The following CCDC149 variants were observed in gnomAD, a reference collection of about 807,000 sequenced individuals.
CCDC149 encodes the protein coiled-coil domain containing 149.
CCDC149 carries 45 observed loss-of-function variants against 59.9 expected under a neutral mutation model. The observed-to-expected ratio is 0.75, with a 90% CI of 0.59 to 0.96. CCDC149 has a LOEUF of 0.96. CCDC149 is among the 40% of genes least tolerant of loss of function. The pLI, the probability that CCDC149 is intolerant of heterozygous loss-of-function variation, is 0.00. For synonymous variants in CCDC149, 245 were observed against 260.6 expected, an observed-to-expected ratio of 0.94 and a Z score of 0.58; for missense variants, 584 against 664.7, an observed-to-expected ratio of 0.88 and a Z score of 1.33.
chr4:24,854,136 T>C (rs916071036), intron 3 of CCDC149, among the ~76,000 whole-genome samples: 1 of 152,142 alleles, frequency 6.6e-6, no homozygotes, highest in Non-Finnish European at 1.5e-5. Context: ...CTTACCCACA[T>C]TTCCTGAACC....
chr4:24,905,197 C>A (rs1721402655), intron 1 of CCDC149, among the ~76,000 whole-genome samples: 1 of 151,870 alleles, frequency 6.6e-6, no homozygotes, highest in East Asian at 1.9e-4. Context: ...CCGCACCCGG[C>A]CTTTCTTCTT....
rs568113974 is a variant in CCDC149 at position 24,892,610 on chromosome 4, C to T, written c.64-15913G>A. ...CACTGATGGCAGGCACTGTTCTGGG[C>T]AGTTTTTCACATTAGCTCATTTGAT... On this transcript the variant is annotated intron_variant, in intron 1 of 12. Transcript: ENST00000635206. 7.9e-5 allele frequency among the ~76,000 whole-genome samples: 12 copies of T among 152,280 alleles called. No individual in the cohort carries two copies. The East Asian group carries it at 2.3e-3, about 29-fold the overall frequency.
intron 11 of CCDC149, among the ~76,000 whole-genome samples, chr4:24,820,754 A>G (rs1186258079): frequency 6.6e-6 from 1 of 152,146 alleles, no homozygotes; most frequent in Non-Finnish European, 1.5e-5. Flanking sequence ...GCCATGACAT[A>G]AACTGTATCA....
At chr4:24,880,831 T>C (rs978331846) in intron 1 of CCDC149, among the ~76,000 whole-genome samples, 1 of 152,100 alleles carries the variant, frequency 6.6e-6, no homozygotes, top group Non-Finnish European at 1.5e-5. Flanking sequence ...GGGAAAGCCA[T>C]AATACAAAAG....
At chr4:24,832,982 C>G (rs1716254677) in intron 8 of CCDC149, among the ~76,000 whole-genome samples, 1 of 152,194 alleles carries the variant, frequency 6.6e-6, no homozygotes, top group African/African-American at 2.4e-5. Flanking sequence ...CATTCTACAT[C>G]TGCAACTTCT....
At chr4:24,957,417 C>G (rs868640660) in intron 1 of CCDC149, among the ~76,000 whole-genome samples, 6 of 152,128 alleles carry the variant, frequency 3.9e-5, no homozygotes, top group African/African-American at 1.4e-4. Context: ...GTATTAAGCC[C>G]AAACTCAGCC....
At chr4:24,885,168 T>C (rs1443220947) in intron 1 of CCDC149, among the ~76,000 whole-genome samples, 1 of 152,050 alleles carries the variant, frequency 6.6e-6, no homozygotes, top group Non-Finnish European at 1.5e-5. Flanking sequence ...AGGGCCCGGA[T>C]GTGGTGCTGA....
chr4:24,873,704 G>A lies in CCDC149; in HGVS notation c.241C>T (p.Leu81Phe), dbSNP rs1560229967. The A allele has an allele frequency of 6.2e-7, 1 of 1,609,778 alleles. No individual in the cohort carries two copies. Among genetic ancestry groups the A allele is most frequent in the Non-Finnish European group, 8.5e-7 (1 of 1,176,600 alleles). Residue 81 changes from leucine (L) to phenylalanine (F), a missense_variant, in exon 3 of 13, where the codon CTT (leucine) becomes TTT (phenylalanine). Leu to Phe is a conservative substitution (Grantham distance 22, BLOSUM62 0). Transcript: ENST00000635206. ...ACCTGTTTCCTTTTTTCAGGAGGAA[G>A]TGATGGATCTCCATCCTACAAAGAA...
chr4:24,897,620 A>C (rs1033140430), intron 1 of CCDC149, among the ~76,000 whole-genome samples: 3 of 152,218 alleles, frequency 2.0e-5, no homozygotes, highest in Non-Finnish European at 4.4e-5. Flanking sequence ...CTAAGCACTG[A>C]AAACAGCTTA....
chr4:24,816,862 C>A (rs1414705902), intron 12 of CCDC149, among the ~76,000 whole-genome samples: 2 of 152,158 alleles, frequency 1.3e-5, no homozygotes, highest in Non-Finnish European at 2.9e-5. Context: ...GTCCCCCGCT[C>A]CCCACTGCCA....
At chr4:24,890,978 C>A (rs999867489) in intron 1 of CCDC149, among the ~76,000 whole-genome samples, 1 of 152,210 alleles carries the variant, frequency 6.6e-6, no homozygotes, top group African/African-American at 2.4e-5. Context: ...GCCACTTGGG[C>A]CCTGAATTTC....
rs181662135 is a variant in CCDC149 at position 24,883,529 on chromosome 4, A to G, written c.64-6832T>C. Among the ~76,000 whole-genome samples, 664 of 152,234 alleles carry G rather than the reference A, an allele frequency of 4.4e-3. 9 individuals carry two copies. The highest frequency in any genetic ancestry group is 0.015 in the African/African-American group (627 of 41,510). On this transcript the variant is annotated intron_variant, in intron 1 of 12. Coordinates refer to ENST00000635206, the MANE Select transcript of CCDC149 (RefSeq NM_001330643.2). ...TTTGATGTGAATTTTGAGAGTGAGT[A>G]GGTGTAAAAGGCATCTGAATAGAGA...
intron 1 of CCDC149, among the ~76,000 whole-genome samples, chr4:24,909,403 C>T (rs1721738991): frequency 6.6e-6 from 1 of 152,180 alleles, no homozygotes; most frequent in Admixed American, 6.5e-5. Flanking sequence ...CACACTCTTC[C>T]CTGAATCTTA....
intron 1 of CCDC149, among the ~76,000 whole-genome samples, chr4:24,965,597 A>T (rs1723771347): frequency 6.6e-6 from 1 of 152,264 alleles, no homozygotes; most frequent in African/African-American, 2.4e-5. Context: ...ATATAACTGA[A>T]AACAGAACAT....
chr4:24,873,278 C>T (rs1469812583), intron 3 of CCDC149, among the ~76,000 whole-genome samples: 2 of 152,206 alleles, frequency 1.3e-5, no homozygotes, highest in Non-Finnish European at 2.9e-5. Flanking sequence ...TGGTATGTGT[C>T]CACTGAATGG....
upstream of CCDC149, among the ~76,000 whole-genome samples, chr4:24,914,385 GAAAA>G (rs201825269): frequency 8.3e-6 from 1 of 120,232 alleles, no homozygotes; most frequent in Admixed American, 8.4e-5. Context: ...TGTGTTACCA[GAAAA>G]AAAAAAAAAA....
intron 11 of CCDC149, 47 bp from the exon 12 acceptor site, chr4:24,820,022 T>C (rs1473198720): frequency 7.1e-7 from 1 of 1,405,910 alleles, no homozygotes; most frequent in Non-Finnish European, 9.7e-7. Flanking sequence ...ATCAGTGGAG[T>C]TGGGTTGCAT....
intron 3 of CCDC149, among the ~76,000 whole-genome samples, chr4:24,870,818 A>G (rs914252090): frequency 5.3e-5 from 8 of 152,136 alleles, no homozygotes; most frequent in African/African-American, 1.7e-4. Context: ...TAAGAACTCC[A>G]ATTTTTAAAC....
intron 4 of CCDC149, 138 bp from the exon 5 acceptor site, chr4:24,838,410 C>A: frequency 1.6e-6 from 1 of 643,344 alleles, no homozygotes; most frequent in Non-Finnish European, 2.8e-6. Flanking sequence ...CAATTACTTG[C>A]CAGTATCATC....
Sources: allele counts gnomAD v4.1 joint callset (sites outside exome capture counted in the v4.1 genomes callset), GRCh38; gene constraint gnomAD v4.1.1; transcripts MANE v1.5; gene names NCBI Gene and HGNC (gene_info 2026-07-23, HGNC 2026-07-21).